The following ENTHD1 variants were observed in gnomAD, a reference collection of about 807,000 sequenced individuals.
ENTHD1 encodes ENTH domain-containing protein 1.
In ENTHD1, 23 loss-of-function variants were observed where a neutral mutation model predicts 39.1. The ratio of observed to expected loss-of-function variants is 0.59; its 90% CI spans 0.42 to 0.83. The LOEUF is 0.83. Among genes scored for constraint, ENTHD1 ranks in the 40% least tolerant of loss-of-function variants. The pLI is 0.00. For synonymous variants in ENTHD1, 230 were observed against 258.2 expected (o/e 0.89, Z 1.05); for missense variants, 624 against 705.4 (o/e 0.88, Z 1.31).
At chr22:39,843,328 G>C (rs1455778770) in intron 3 of ENTHD1, among the ~76,000 whole-genome samples, 1 of 151,950 alleles carries the variant, frequency 6.6e-6, no homozygotes, top group Admixed American at 6.6e-5. Context: ...GATGAAACTG[G>C]AAATAATCAT....
chr22:39,770,428 A>G (rs1277942903), intron 5 of ENTHD1, among the ~76,000 whole-genome samples: 1 of 152,104 alleles, frequency 6.6e-6, no homozygotes, highest in Non-Finnish European at 1.5e-5. Context: ...CACTTGTAGA[A>G]GCAACCTTAT....
intron 2 of ENTHD1, among the ~76,000 whole-genome samples, chr22:39,869,752 G>T (rs924697671): frequency 6.7e-6 from 1 of 150,230 alleles, no homozygotes; most frequent in African/African-American, 2.5e-5. Flanking sequence ...CTCTAACAAA[G>T]ATTTTTAAAT....
chr22:39,847,625 C>T lies in ENTHD1; in HGVS notation c.593-11667G>A, dbSNP rs201571237. 1.5e-4 allele frequency among the ~76,000 whole-genome samples: 23 copies of T among 151,592 alleles called. No individual in the cohort carries two copies. The East Asian group carries it at 2.1e-3, about 14-fold the overall frequency. ...CAGGATGGTCTCAAATTCCTGGGCT[C>T]AAGAAATCCTTCCGCCTTGATCTCC... On this transcript the variant is annotated intron_variant, in intron 3 of 6. Transcript: ENST00000325157.
chr22:39,857,443 CAAAAAAAA>C (rs71197196), intron 3 of ENTHD1, among the ~76,000 whole-genome samples: 13 of 24,724 alleles, frequency 5.3e-4, no homozygotes, highest in African/African-American at 9.3e-4. Context: ...AACTCCGTCT[CAAAAAAAA>C]AAAAAAAAAA....
intron 5 of ENTHD1, among the ~76,000 whole-genome samples, chr22:39,779,466 G>A (rs935172410): frequency 6.6e-6 from 1 of 151,866 alleles, no homozygotes; most frequent in Non-Finnish European, 1.5e-5. Context: ...GTGAACAAGA[G>A]CTGGGAGAAT....
chr22:39,769,569 G>A (rs79506571), intron 5 of ENTHD1, among the ~76,000 whole-genome samples: 8,655 of 152,172 alleles, frequency 0.057, 341 homozygotes, highest in South Asian at 0.12. Context: ...AAGTCTAAGG[G>A]CTCTGGAGAA....
At chr22:39,865,544 A>G (rs190799771) in intron 2 of ENTHD1, among the ~76,000 whole-genome samples, 77 of 152,358 alleles carry the variant, frequency 5.1e-4, no homozygotes, top group Non-Finnish European at 9.8e-4. Context: ...AAGGGAGGAC[A>G]GCATACCAAC....
chr22:39,765,896 C>G lies in ENTHD1; in HGVS notation c.833-287G>C, dbSNP rs189338366. Among the ~76,000 whole-genome samples the G allele has an allele frequency of 1.8e-3, 267 of 151,842 alleles. 1 individual carries two copies. The highest frequency in any genetic ancestry group is 3.2e-3 in the Non-Finnish European group (215 of 67,904). Reference sequence around the variant, plus strand: ...TTGTCTTTAAATATTTCTCCCTTCACCCACTTATCTGTCGCTGAAACCACC... The same window carrying G: ...TTGTCTTTAAATATTTCTCCCTTCAGCCACTTATCTGTCGCTGAAACCACC... On this transcript the variant is annotated intron_variant, in intron 5 of 6. Coordinates refer to ENST00000325157, the MANE Select transcript of ENTHD1 (RefSeq NM_152512.4).
chr22:39,891,475 CTTTT>C (rs58033623), intron 1 of ENTHD1, among the ~76,000 whole-genome samples: 1 of 142,682 alleles, frequency 7.0e-6, no homozygotes, highest in Non-Finnish European at 1.5e-5. Context: ...ATTATAATCA[CTTTT>C]TTTTTTTTTT....
chr22:39,887,115 A>C (rs1467742197), intron 2 of ENTHD1, among the ~76,000 whole-genome samples: 1 of 152,210 alleles, frequency 6.6e-6, no homozygotes, highest in Non-Finnish European at 1.5e-5. Flanking sequence ...AAAGACAGCT[A>C]GTACATTTAA....
At chr22:39,850,643 ACTT>A (rs761288885) in intron 3 of ENTHD1, among the ~76,000 whole-genome samples, 3 of 151,076 alleles carry the variant, frequency 2.0e-5, no homozygotes. Context: ...TTCTCATTCT[ACTT>A]CTTCTTGCTA....
chr22:39,871,441 G>T (rs1216905291), intron 2 of ENTHD1, among the ~76,000 whole-genome samples: 2 of 152,128 alleles, frequency 1.3e-5, no homozygotes, highest in African/African-American at 4.8e-5. Context: ...AAGGTTTAGG[G>T]TGATGAAGTA....
intron 2 of ENTHD1, chr22:39,874,349 C>G (rs1274005803): frequency 6.6e-6 from 1 of 152,116 alleles, no homozygotes. Context: ...TTTGGAGGTC[C>G]TAAAAAGGGA....
intron 4 of ENTHD1, among the ~76,000 whole-genome samples, chr22:39,830,036 A>G (rs2065856545): frequency 1.3e-5 from 2 of 151,944 alleles, no homozygotes; most frequent in African/African-American, 4.8e-5. Context: ...ACACATCACT[A>G]TGCCCTGTTG....
chr22:39,856,612 T>C (rs768641835), intron 3 of ENTHD1, among the ~76,000 whole-genome samples: 1 of 152,166 alleles, frequency 6.6e-6, no homozygotes, highest in African/African-American at 2.4e-5. Context: ...GATGCCATCA[T>C]TGACTAAAGC....
chr22:39,862,057 A>G, intron 2 of ENTHD1, 50 bp from the exon 3 acceptor site: 2 of 1,328,994 alleles, frequency 1.5e-6, no homozygotes, highest in Non-Finnish European at 2.0e-6. Flanking sequence ...AGTTAAGGCT[A>G]TAATTAATTT....
Position 39,861,908 on chromosome 22 carries a change from C to T in ENTHD1, c.449G>A (p.Arg150His), listed in dbSNP as rs762245558. 8.1e-6 allele frequency: 13 copies of T among 1,603,170 alleles called. No individual in the cohort carries two copies. The South Asian group carries it at 1.2e-4, about 15-fold the overall frequency. ...EREVACRTRQ[R>H]TSHSILFSKR... ...AGAAAACAATATAGAGTGGGAGGTACGCTGTCTAGTCCGACATGCCACTTC... is the reference window on the plus strand; with the variant it reads ...AGAAAACAATATAGAGTGGGAGGTATGCTGTCTAGTCCGACATGCCACTTC... The change falls in exon 3 of 7, where the codon CGT becomes CAT. Residue 150 changes from arginine (R) to histidine (H), a missense_variant. Coordinates refer to ENST00000325157, the MANE Select transcript of ENTHD1 (RefSeq NM_152512.4).
At chr22:39,761,809 C>T (rs2065235452) in intron 6 of ENTHD1, among the ~76,000 whole-genome samples, 1 of 152,008 alleles carries the variant, frequency 6.6e-6, no homozygotes, top group Non-Finnish European at 1.5e-5. Flanking sequence ...TGCCGAGATG[C>T]TCCTTTCTAT....
chr22:39,869,266 G>A (rs529118242), intron 2 of ENTHD1, among the ~76,000 whole-genome samples: 67 of 152,258 alleles, frequency 4.4e-4, no homozygotes, highest in African/African-American at 1.6e-3. Flanking sequence ...CATATACCAC[G>A]AAATACTATG....
Sources: allele counts gnomAD v4.1 joint callset (sites outside exome capture counted in the v4.1 genomes callset), GRCh38; gene constraint gnomAD v4.1.1; transcripts MANE v1.5; gene names NCBI Gene and HGNC (gene_info 2026-07-23, HGNC 2026-07-21).